The following MCM5 variants were observed in gnomAD, a reference collection of about 807,000 sequenced individuals.
MCM5 encodes DNA replication licensing factor MCM5.
Under a neutral mutation model 79.9 loss-of-function variants are expected in MCM5, and 46 were observed. The observed-to-expected ratio is 0.58, with a 90% CI of 0.45 to 0.74. The LOEUF (loss-of-function observed/expected upper bound fraction) is 0.74. Among genes scored for constraint, MCM5 ranks in the 30% least tolerant of loss-of-function variants. The probability of loss-of-function intolerance (pLI) is 0.00; values close to 1 mark genes in which losing one functional copy is unlikely to be tolerated. For missense variants in MCM5, 883 were observed against 1,017.0 expected, an observed-to-expected ratio of 0.87 and a Z score of 1.79; for synonymous variants, 404 against 390.5, an observed-to-expected ratio of 1.03 and a Z score of -0.41.
chr22:35,434,402 C>G, the MCM5 span, among the ~76,000 whole-genome samples: 1 of 152,210 alleles, frequency 6.6e-6, no homozygotes, highest in Non-Finnish European at 1.5e-5. Context: ...TCCCCACCCT[C>G]TCTGCCAAGA....
intron 13 of MCM5, among the ~76,000 whole-genome samples, chr22:35,418,136 A>G (rs1932595117): frequency 6.6e-6 from 1 of 152,126 alleles, no homozygotes; most frequent in Non-Finnish European, 1.5e-5. Context: ...AAGTGTAGAC[A>G]TGGTAGACAT....
At chr22:35,406,494 T>C (rs1932219076) in intron 4 of MCM5, 59 bp from the exon 5 acceptor site, 3 of 1,506,172 alleles carry the variant, frequency 2.0e-6, no homozygotes, top group Admixed American at 1.7e-5. Context: ...TTTACTGGCA[T>C]ATCTCAGATG....
intron 9 of MCM5, among the ~76,000 whole-genome samples, chr22:35,415,392 A>G (rs875401): frequency 5.3e-5 from 8 of 152,136 alleles, no homozygotes; most frequent in African/African-American, 1.2e-4. Context: ...GACTTTCCCA[A>G]TTTCAGGGGC....
intron 16 of MCM5, 153 bp downstream of exon 16, chr22:35,423,494 T>C (rs1932745352): frequency 1.3e-6 from 1 of 777,634 alleles, no homozygotes; most frequent in Non-Finnish European, 1.9e-6. Flanking sequence ...TTTCTAGCCA[T>C]CATTCCTTCC....
At chr22:35,421,127 CAAAAAAAAA>C (rs133430) in intron 14 of MCM5, among the ~76,000 whole-genome samples, 182 bp from the exon 15 acceptor site, 1 of 88,918 alleles carries the variant, frequency 1.1e-5, no homozygotes, top group Non-Finnish European at 2.1e-5. Context: ...GACTTTGTCT[CAAAAAAAAA>C]AAAAAAAAAA....
the MCM5 span, among the ~76,000 whole-genome samples, chr22:35,443,414 C>T: frequency 6.6e-6 from 1 of 152,130 alleles, no homozygotes; most frequent in African/African-American, 2.4e-5. Context: ...GTCTCAAACT[C>T]CTGGCCTCAA....
At chr22:35,448,042 G>T in the MCM5 span, among the ~76,000 whole-genome samples, 1 of 152,296 alleles carries the variant, frequency 6.6e-6, no homozygotes, top group Non-Finnish European at 1.5e-5. Flanking sequence ...TTCTCCCCAG[G>T]TGGGGAACTG....
chr22:35,443,865 C>A, the MCM5 span, among the ~76,000 whole-genome samples: 1 of 149,846 alleles, frequency 6.7e-6, no homozygotes, highest in Non-Finnish European at 1.5e-5. Context: ...GGGCCGTGGG[C>A]CGTAGACTTG....
the MCM5 span, among the ~76,000 whole-genome samples, chr22:35,436,416 T>A: frequency 6.6e-6 from 1 of 152,140 alleles, no homozygotes; most frequent in Non-Finnish European, 1.5e-5. Flanking sequence ...GTTCAGCCCC[T>A]TCCTCAGTTT....
intron 4 of MCM5, among the ~76,000 whole-genome samples, chr22:35,406,168 C>T (rs990656402): frequency 3.3e-5 from 5 of 152,158 alleles, no homozygotes; most frequent in African/African-American, 9.7e-5. Context: ...TGGGCCCCTG[C>T]CTCCCAGGTT....
intron 7 of MCM5, among the ~76,000 whole-genome samples, chr22:35,411,719 T>G (rs1932388348): frequency 6.6e-6 from 1 of 152,176 alleles, no homozygotes; most frequent in Non-Finnish European, 1.5e-5. Flanking sequence ...TTACACAAAC[T>G]ACCTAGATTA....
Position 35,416,787 on chromosome 22 carries a change from G to A in MCM5, c.1563G>A (p.Lys521=). ...LSRFDMIFIV[K]DEHNEERDVM... is the part of the protein sequence containing the mutation. The stretch of plus-strand genomic sequence containing the variant: ...GCTTCGACATGATCTTCATCGTCAA[G>A]GATGAGCACAATGAGGAGAGGGATG... The change falls in exon 12 of 17, where the codon AAG becomes AAA. Residue 521 remains lysine, a synonymous_variant. Coordinates refer to ENST00000216122, the MANE Select transcript of MCM5 (RefSeq NM_006739.4). 1 of 1,614,008 alleles carries A rather than the reference G, an allele frequency of 6.2e-7. No homozygotes were observed. Among genetic ancestry groups the A allele is most frequent in the East Asian group, 2.2e-5 (1 of 44,888 alleles).
At chr22:35,415,558 C>G (rs981193846) in intron 9 of MCM5, among the ~76,000 whole-genome samples, 2 of 152,224 alleles carry the variant, frequency 1.3e-5, no homozygotes, top group African/African-American at 4.8e-5. Context: ...TTGGGCCTCA[C>G]AAGACTGTGT....
chr22:35,410,420 A>T, intron 6 of MCM5: 2 of 341,734 alleles, frequency 5.9e-6, no homozygotes, highest in South Asian at 4.8e-5. Flanking sequence ...GGGCTTTTGG[A>T]GGGCTCTGTG....
At chr22:35,431,682 G>A in the MCM5 span, among the ~76,000 whole-genome samples, 62 of 152,166 alleles carry the variant, frequency 4.1e-4, no homozygotes, top group African/African-American at 1.4e-3. Flanking sequence ...CAGCCCTAAG[G>A]TTCCCACTGC....
At position 35,424,140 on chromosome 22, in the gene MCM5, A is replaced by G. The variant is rs967903902; in HGVS notation, c.2104-14A>G. ...GGGCAGCACGTGCCGTTAGCCAGCC[A>G]TGTGCTCCCACAGAAATACCCGGAG... is the stretch of plus-strand genomic sequence containing the variant. On this transcript the variant is annotated splice_polypyrimidine_tract_variant and intron_variant, in intron 16 of 16. Coordinates refer to ENST00000216122, the MANE Select transcript of MCM5 (RefSeq NM_006739.4). 1.3e-6 allele frequency: 2 copies of G among 1,535,978 alleles called. No individual in the cohort carries two copies. The highest frequency in any genetic ancestry group is 1.8e-6 in the Non-Finnish European group (2 of 1,134,098).
At chr22:35,448,890 A>C in the MCM5 span, among the ~76,000 whole-genome samples, 9 of 152,104 alleles carry the variant, frequency 5.9e-5, no homozygotes, top group Non-Finnish European at 1.2e-4. Context: ...TGTTTGTCCC[A>C]TGGTGGTGGC....
intron 11 of MCM5, 87 bp downstream of exon 11, chr22:35,416,491 T>TCTTTGCCCA: frequency 6.8e-7 from 1 of 1,464,982 alleles, no homozygotes. Flanking sequence ...GACCAAGTTC[T>TCTTTGCCCA]CTTTGCCCAG....
the MCM5 span, among the ~76,000 whole-genome samples, chr22:35,431,593 A>G: frequency 6.6e-6 from 1 of 152,058 alleles, no homozygotes; most frequent in Non-Finnish European, 1.5e-5. Context: ...TCTCCTCCTG[A>G]TATAGGACTC....
Sources: gnomAD v4.1 joint callset for allele counts (sites outside exome capture counted in the v4.1 genomes callset) on GRCh38, gnomAD v4.1.1 for gene constraint, MANE v1.5 for transcripts, NCBI Gene and HGNC (gene_info 2026-07-23, HGNC 2026-07-21) for gene names.